KLC1: variants seen among roughly 807,000 people sequenced by gnomAD.
KLC1 encodes the protein kinesin 2 60/70kDa.
A neutral mutation model predicts 84.2 loss-of-function variants in KLC1; 30 were observed. The ratio of observed to expected loss-of-function variants is 0.36; its 90% CI spans 0.27 to 0.48. The LOEUF is 0.48. Among genes scored for constraint, KLC1 ranks in the 20% least tolerant of loss-of-function variants. The pLI is 0.99. For missense variants in KLC1, 499 were observed against 805.4 expected (o/e 0.62, Z 4.60); for synonymous variants, 289 against 293.3 (o/e 0.99, Z 0.15).
intron 13 of KLC1, 106 bp downstream of exon 13, chr14:103,679,651 T>A (rs2081196318): frequency 1.3e-6 from 1 of 774,804 alleles, no homozygotes; most frequent in Non-Finnish European, 2.1e-6. Context: ...TTTCTCAAAT[T>A]AAGTGCCAAT....
At chr14:103,662,341 A>G (rs1302900100) in intron 4 of KLC1, 147 bp downstream of exon 4, 7 of 713,802 alleles carry the variant, frequency 9.8e-6, no homozygotes, top group Non-Finnish European at 2.5e-6. Context: ...TTGGTTTTCC[A>G]AAATAATCTG....
intron 1 of KLC1, among the ~76,000 whole-genome samples, chr14:103,646,177 G>A (rs948394366): frequency 5.3e-5 from 8 of 152,134 alleles, no homozygotes; most frequent in Non-Finnish European, 1.0e-4. Flanking sequence ...GTTAGTTTGC[G>A]TCATATCTAT....
intron 1 of KLC1, among the ~76,000 whole-genome samples, chr14:103,650,416 T>C (rs927843825): frequency 5.3e-5 from 8 of 152,134 alleles, no homozygotes; most frequent in African/African-American, 1.9e-4. Context: ...CCTTGTTCCA[T>C]TGAATCATCT....
intron 1 of KLC1, among the ~76,000 whole-genome samples, chr14:103,651,635 C>T (rs998169118): frequency 3.3e-5 from 5 of 152,148 alleles, no homozygotes; most frequent in Non-Finnish European, 5.9e-5. Flanking sequence ...CCATGGTCAC[C>T]TGGGGGGCAG....
At chr14:103,695,009 T>C (rs560678609) in intron 15 of KLC1, 1 of 985,452 alleles carries the variant, frequency 1.0e-6, no homozygotes, top group East Asian at 1.1e-4. Flanking sequence ...TGCTCGCCTG[T>C]GGCCGTGGCT....
In KLC1 at chr14:103,662,711, A is replaced by G. The variant is rs748070976; in HGVS notation, c.581A>G (p.Gln194Arg). The G allele has an allele frequency of 1.3e-6, 2 of 1,586,118 alleles. No homozygotes were observed. Among genetic ancestry groups the G allele is most frequent in the Non-Finnish European group, 1.7e-6 (2 of 1,166,654 alleles). ...AACTTTCTCGGTGCAGTCCAGCAGC[A>G]GCACAGCAGTGCAGCCGCGGCTGCC... ...EDDPGQGIQQ[Q>R]HSSAAAAAQQ... Residue 194 changes from glutamine (Q) to arginine (R), a missense_variant, in exon 5 of 17, where the codon CAG becomes CGG. Gln to Arg is a conservative substitution (Grantham distance 43). This residue lies in a region of KLC1 where 179 missense variants were observed against 264.2 expected (regional missense o/e 0.68). Transcript: ENST00000334553.
Position 103,701,443 on chromosome 14 carries a change from G to A in KLC1, c.*244G>A, listed in dbSNP as rs1006871250. On this transcript the variant is annotated 3_prime_UTR_variant, in exon 17 of 17. Coordinates refer to ENST00000334553, the MANE Select transcript of KLC1 (RefSeq NM_001394837.1). The stretch of plus-strand genomic sequence containing the variant: ...GTCTCTCCCAGGAGACCTGGGGCAT[G>A]AGCTGGGCCCACGGCTCCCTTCCCA... The A allele has an allele frequency of 2.9e-5, 13 of 446,346 alleles. No homozygotes were observed. The Admixed American group carries it at 3.4e-4, about 12-fold the overall frequency. 27.6% of individuals were successfully genotyped at this position (446,346 alleles called of 1,614,324 possible). A position where few individuals can be genotyped will look rare whatever the true frequency, so the allele number is the denominator to read the frequency against.
intron 15 of KLC1, chr14:103,699,835 C>T: frequency 5.6e-6 from 3 of 539,918 alleles, no homozygotes; most frequent in Middle Eastern, 5.1e-4. Context: ...GGCAGTCACC[C>T]CTTGGCTGTG....
intron 12 of KLC1, 78 bp from the exon 13 acceptor site, chr14:103,679,306 T>TAA: frequency 7.1e-7 from 1 of 1,405,372 alleles, no homozygotes; most frequent in Non-Finnish European, 9.7e-7. Context: ...TTTTTTTTTC[T>TAA]AGCGAAGTAT....
Position 103,688,891 on chromosome 14 carries a change from A to G in KLC1, c.1781+1680A>G, listed in dbSNP as rs142345058. 2.6e-4 allele frequency among the ~76,000 whole-genome samples: 40 copies of G among 152,338 alleles called. 1 individual carries two copies. Among genetic ancestry groups the G allele is most frequent in the African/African-American group, 7.9e-4 (33 of 41,584 alleles). On this transcript the variant is annotated intron_variant, in intron 14 of 16. Transcript: ENST00000334553. ...CTTACAATGAAACAAATGAACTCTT[A>G]TTTGGGGGAAATGGATTTTAAATTG...
At chr14:103,653,115 A>G (rs977708477) in intron 1 of KLC1, among the ~76,000 whole-genome samples, 3 of 152,144 alleles carry the variant, frequency 2.0e-5, no homozygotes, top group Non-Finnish European at 2.9e-5. Flanking sequence ...GTGGAGTCCT[A>G]CAAGATCAAG....
chr14:103,643,864 G>A (rs888006203), intron 1 of KLC1, among the ~76,000 whole-genome samples: 4 of 151,832 alleles, frequency 2.6e-5, no homozygotes, highest in African/African-American at 2.4e-5. Context: ...GAAGGTGGAG[G>A]TTGCCTGGCC....
In KLC1 at chr14:103,700,728, G is replaced by GT. The variant is rs1567050742; in HGVS notation, c.*1+2dup. The GT allele has an allele frequency of 5.0e-6, 8 of 1,594,640 alleles. No homozygotes were observed. The highest frequency in any genetic ancestry group is 1.1e-5 in the South Asian group (1 of 89,168). On this transcript the variant is annotated splice_donor_variant, in intron 16 of 16. Coordinates refer to ENST00000334553, the MANE Select transcript of KLC1 (RefSeq NM_001394837.1). LOFTEE classifies it low-confidence loss of function (3UTR_SPLICE). ...TGGCCTGGAAGACGCCACCGCTAAC[G>GT]TGAGTCCCACGGCCTGCAGCCCCAG...
chr14:103,659,618 T>A (rs372137673), intron 3 of KLC1, among the ~76,000 whole-genome samples: 5 of 152,198 alleles, frequency 3.3e-5, no homozygotes, highest in African/African-American at 1.2e-4. Context: ...TTTAAATACC[T>A]GTATGATGCC....
At chr14:103,698,466 A>C (rs1042127004) in intron 15 of KLC1, 9 of 380,124 alleles carry the variant, frequency 2.4e-5, no homozygotes, top group Admixed American at 1.2e-4. Flanking sequence ...TGGAGAGAAG[A>C]AGCAGGCGGC....
chr14:103,654,017 C>T (rs2078662949), intron 1 of KLC1, among the ~76,000 whole-genome samples: 1 of 152,206 alleles, frequency 6.6e-6, no homozygotes, highest in Non-Finnish European at 1.5e-5. Context: ...CTGTGCCATC[C>T]TCATCTGTGA....
In KLC1 at chr14:103,657,530, G is replaced by T; in HGVS notation, c.262-16G>T. 6.2e-7 allele frequency: 1 copy of T among 1,607,348 alleles called. No homozygotes were observed. Among genetic ancestry groups the T allele is most frequent in the Non-Finnish European group, 8.5e-7 (1 of 1,174,074 alleles). On this transcript the variant is annotated splice_polypyrimidine_tract_variant and intron_variant, in intron 2 of 16. Transcript: ENST00000334553. ...GACAACGTGCCACAGTGCTGCACAC[G>T]TTTCTGTCTGCTCAGGTTATGATGG... is the stretch of plus-strand genomic sequence containing the variant.
At chr14:103,653,353 G>A (rs1380397455) in intron 1 of KLC1, among the ~76,000 whole-genome samples, 2 of 152,032 alleles carry the variant, frequency 1.3e-5, no homozygotes, top group Non-Finnish European at 2.9e-5. Context: ...GCAGAGTCTC[G>A]CTCTGTCACC....
intron 1 of KLC1, among the ~76,000 whole-genome samples, chr14:103,639,465 C>T (rs1409393250): frequency 6.6e-6 from 1 of 151,640 alleles, no homozygotes; most frequent in Non-Finnish European, 1.5e-5. Flanking sequence ...TTTTTTGTGA[C>T]AGGGTTTCGC....
Sources: allele counts gnomAD v4.1 joint callset (sites outside exome capture counted in the v4.1 genomes callset), GRCh38; gene constraint gnomAD v4.1.1; regional missense constraint gnomAD v4.1.1; transcripts MANE v1.5; gene names NCBI Gene and HGNC (gene_info 2026-07-23, HGNC 2026-07-21).